The following SPIRE1 variants were observed in gnomAD, a reference collection of about 807,000 sequenced individuals.
SPIRE1 encodes the protein protein spire homolog 1.
Under a neutral mutation model 94.1 loss-of-function variants are expected in SPIRE1, and 40 were observed. That is an observed-to-expected ratio of 0.43 (90% CI 0.33 to 0.55). SPIRE1 has a LOEUF of 0.55. SPIRE1 is among the 20% of genes least tolerant of loss of function. SPIRE1 has a pLI of 0.06. For missense variants in SPIRE1, 838 were observed against 975.2 expected (o/e 0.86, Z 1.87); for synonymous variants, 376 against 371.7 (o/e 1.01, Z -0.13).
At chr18:12,538,957 C>A (rs2034924132) in intron 3 of SPIRE1, among the ~76,000 whole-genome samples, 1 of 152,216 alleles carries the variant, frequency 6.6e-6, no homozygotes, top group Non-Finnish European at 1.5e-5. Flanking sequence ...TCACAGCTAC[C>A]ATTTTCTTTC....
intron 1 of SPIRE1, among the ~76,000 whole-genome samples, chr18:12,653,650 T>G (rs536890538): frequency 6.6e-6 from 1 of 152,336 alleles, no homozygotes; most frequent in South Asian, 2.1e-4. Flanking sequence ...TAAACGTCCA[T>G]TTAGAAAATA....
intron 2 of SPIRE1, among the ~76,000 whole-genome samples, chr18:12,577,084 G>A (rs1041626253): frequency 2.6e-5 from 4 of 151,958 alleles, no homozygotes; most frequent in African/African-American, 9.7e-5. Context: ...AAACAACTGG[G>A]TATCTATCTG....
At chr18:12,601,071 G>A (rs1297567107) in intron 2 of SPIRE1, among the ~76,000 whole-genome samples, 1 of 152,018 alleles carries the variant, frequency 6.6e-6, no homozygotes, top group East Asian at 1.9e-4. Context: ...CTTGGCCAGT[G>A]GGCAGTCCTG....
chr18:12,565,401 G>C (rs186180218), intron 2 of SPIRE1, among the ~76,000 whole-genome samples: 1 of 152,042 alleles, frequency 6.6e-6, no homozygotes, highest in Admixed American at 6.5e-5. Context: ...TTGGGAAGGA[G>C]CCTCGCTCTG....
chr18:12,616,970 C>T (rs892402671), intron 2 of SPIRE1, among the ~76,000 whole-genome samples: 1 of 150,152 alleles, frequency 6.7e-6, no homozygotes, highest in Non-Finnish European at 1.5e-5. Flanking sequence ...AGCGATTCCC[C>T]TGCCTCAGCC....
chr18:12,589,948 G>A (rs141668051), intron 2 of SPIRE1, among the ~76,000 whole-genome samples: 10 of 152,258 alleles, frequency 6.6e-5, no homozygotes, highest in African/African-American at 2.2e-4. Flanking sequence ...AAGAACAGAC[G>A]TTTGCAATTT....
chr18:12,490,175 T>C (rs1402175135), intron 8 of SPIRE1, among the ~76,000 whole-genome samples: 1 of 152,222 alleles, frequency 6.6e-6, no homozygotes, highest in Non-Finnish European at 1.5e-5. Context: ...ATTCTGGTGG[T>C]TGTGAAATAC....
At chr18:12,510,220 GAGGT>G (rs1241215501) in intron 5 of SPIRE1, among the ~76,000 whole-genome samples, 2 of 152,078 alleles carry the variant, frequency 1.3e-5, no homozygotes, top group East Asian at 3.8e-4. Context: ...AGGGAGGCAG[GAGGT>G]AGGATCATAA....
At chr18:12,650,045 C>A (rs1448734861) in intron 1 of SPIRE1, among the ~76,000 whole-genome samples, 1 of 151,954 alleles carries the variant, frequency 6.6e-6, no homozygotes, top group African/African-American at 2.4e-5. Context: ...TTGAGACCAG[C>A]ATGATCAATA....
At chr18:12,572,660 T>C (rs377473296) in intron 2 of SPIRE1, among the ~76,000 whole-genome samples, 10 of 152,016 alleles carry the variant, frequency 6.6e-5, no homozygotes, top group East Asian at 3.9e-4. Flanking sequence ...GAAGATACAC[T>C]GTGGTACTGG....
intron 2 of SPIRE1, among the ~76,000 whole-genome samples, chr18:12,571,197 C>T (rs2035951845): frequency 6.6e-6 from 1 of 152,126 alleles, no homozygotes; most frequent in African/African-American, 2.4e-5. Flanking sequence ...GCCTTAGCCT[C>T]CCGAGTAGCT....
chr18:12,615,318 ACT>A (rs1339138493), intron 2 of SPIRE1, among the ~76,000 whole-genome samples: 1 of 95,720 alleles, frequency 1.0e-5, no homozygotes, highest in African/African-American at 4.0e-5. Context: ...CAAGAGTGAA[ACT>A]CTGTCTCAAA....
chr18:12,460,680 C>T (rs1429299479), intron 12 of SPIRE1, among the ~76,000 whole-genome samples: 3 of 151,438 alleles, frequency 2.0e-5, no homozygotes, highest in African/African-American at 7.3e-5. Flanking sequence ...CCATTGCACT[C>T]CAGCCTGCGC....
intron 2 of SPIRE1, among the ~76,000 whole-genome samples, chr18:12,578,088 T>A (rs1360982188): frequency 6.6e-6 from 1 of 152,216 alleles, no homozygotes; most frequent in Non-Finnish European, 1.5e-5. Flanking sequence ...CTAGAACATG[T>A]ACATTGCTGG....
At chr18:12,613,627 C>T (rs9948618) in intron 2 of SPIRE1, among the ~76,000 whole-genome samples, 85,112 of 152,036 alleles carry the variant, frequency 0.56, 24,999 homozygotes, top group Middle Eastern at 0.76. Flanking sequence ...TGGCCGGGCA[C>T]GGTGGCTCAC....
At chr18:12,509,149 T>C (rs2033941755) in intron 5 of SPIRE1, among the ~76,000 whole-genome samples, 1 of 152,250 alleles carries the variant, frequency 6.6e-6, no homozygotes, top group South Asian at 2.1e-4. Context: ...ATTCTGAAAC[T>C]AGAATCTGCT....
intron 10 of SPIRE1, among the ~76,000 whole-genome samples, chr18:12,472,875 C>A (rs1359432236): frequency 1.3e-5 from 2 of 152,232 alleles, no homozygotes; most frequent in Non-Finnish European, 2.9e-5. Flanking sequence ...TCACTGCAAC[C>A]TCCACCTCCT....
chr18:12,533,932 TACACACAC>T (rs10658152), intron 4 of SPIRE1, among the ~76,000 whole-genome samples: 111 of 144,514 alleles, frequency 7.7e-4, no homozygotes, highest in African/African-American at 1.0e-3. Flanking sequence ...GCTAATCCAT[TACACACAC>T]ACACACACAC....
intron 6 of SPIRE1, among the ~76,000 whole-genome samples, chr18:12,496,313 T>C (rs1480245522): frequency 6.6e-6 from 1 of 152,156 alleles, no homozygotes; most frequent in Admixed American, 6.5e-5. Flanking sequence ...TTTAATTCTA[T>C]CACTTTGTGA....
Sources: allele counts gnomAD v4.1 joint callset (sites outside exome capture counted in the v4.1 genomes callset), GRCh38; gene constraint gnomAD v4.1.1; transcripts MANE v1.5; gene names NCBI Gene and HGNC (gene_info 2026-07-23, HGNC 2026-07-21).